The following NEBL variants were observed in gnomAD, a reference collection of about 807,000 sequenced individuals.
NEBL encodes nebulette.
In NEBL, 122 loss-of-function variants were observed where a neutral mutation model predicts 140.2. That is an observed-to-expected ratio of 0.87 (90% CI 0.75 to 1.01). The LOEUF (loss-of-function observed/expected upper bound fraction) is 1.01. NEBL is among the 50% of genes least tolerant of loss of function. NEBL has a pLI of 0.00. For missense variants in NEBL, 1,365 were observed against 1,231.3 expected (o/e 1.11, Z -1.62); for synonymous variants, 436 against 398.9 (o/e 1.09, Z -1.11).
At chr10:21,278,030 A>C (rs2132295249) in intron 1 of NEBL, among the ~76,000 whole-genome samples, 1 of 152,306 alleles carries the variant, frequency 6.6e-6, no homozygotes, top group Middle Eastern at 3.4e-3. Context: ...GTGCTCAGTA[A>C]ATTTTAGCTG....
intron 3 of NEBL, among the ~76,000 whole-genome samples, chr10:21,228,883 C>A (rs1842207587): frequency 1.3e-5 from 2 of 152,060 alleles, no homozygotes; most frequent in South Asian, 4.1e-4. Context: ...TTGGATGGGA[C>A]CCAAGAGTTA....
At position 20,897,251 on chromosome 10, in the gene NEBL, C is replaced by T. The variant is rs557285588; in HGVS notation, c.-46G>A. The stretch of plus-strand genomic sequence containing the variant: ...ATATTTTTAAAATTTACTCATGTGG[C>T]GTCCTTTTCCATACCACAGTGCCCT... On this transcript the variant is annotated 5_prime_UTR_variant, in exon 1 of 28. Coordinates refer to ENST00000377122, the MANE Select transcript of NEBL (RefSeq NM_006393.3). The T allele has an allele frequency of 1.9e-5, 29 of 1,532,772 alleles. No individual in the cohort carries two copies. Among genetic ancestry groups the T allele is most frequent in the South Asian group, 8.7e-5 (7 of 80,912 alleles). The allele number at this position is 1,532,772 out of a possible 1,614,324, so 94.9% of individuals were successfully genotyped here. A position where few individuals can be genotyped will look rare whatever the true frequency, so the allele number is the denominator to read the frequency against.
In NEBL at chr10:21,070,629, TA is replaced by T. The variant is rs113644293; in HGVS notation, c.165-50429del. 1.9e-4 allele frequency among the ~76,000 whole-genome samples: 29 copies of T among 151,448 alleles called. 1 individual carries two copies. Among genetic ancestry groups the T allele is most frequent in the African/African-American group, 4.1e-4 (17 of 41,270 alleles). The stretch of plus-strand genomic sequence containing the variant: ...CACATCCCTGAAACCAAGACACACT[TA>T]AAAAAAAATTACTCTGAACATTAAA... On this transcript the variant is annotated intron_variant, in intron 2 of 6. Coordinates refer to the NEBL transcript ENST00000417816.
At chr10:21,169,070 ATATATATATATAT>A (rs1564534609) in intron 2 of NEBL, among the ~76,000 whole-genome samples, 1,050 of 44,200 alleles carry the variant, frequency 0.024, 84 homozygotes, top group African/African-American at 0.032. Context: ...AAAAAAAAAT[ATATATATATATAT>A]ATATATATAT....
At chr10:21,182,096 A>T (rs77188671) in intron 3 of NEBL, among the ~76,000 whole-genome samples, 3,196 of 152,252 alleles carry the variant, frequency 0.021, 113 homozygotes, top group African/African-American at 0.07. Flanking sequence ...GACTCATTTT[A>T]AAAAATCTGG....
chr10:21,202,549 C>T (rs1465798145), intron 3 of NEBL, among the ~76,000 whole-genome samples: 7 of 149,408 alleles, frequency 4.7e-5, no homozygotes, highest in African/African-American at 1.0e-4. Context: ...CTGCAAGCTC[C>T]GCCCCGCTGT....
chr10:20,836,910 T>C (rs1474103929), intron 13 of NEBL, among the ~76,000 whole-genome samples: 1 of 152,140 alleles, frequency 6.6e-6, no homozygotes, highest in East Asian at 1.9e-4. Context: ...TGTTGGGAGA[T>C]GCCACCAAAT....
intron 2 of NEBL, among the ~76,000 whole-genome samples, chr10:21,249,051 C>T (rs539743961): frequency 6.6e-6 from 1 of 152,026 alleles, no homozygotes; most frequent in African/African-American, 2.4e-5. Flanking sequence ...CTTTGAGAGA[C>T]AGGGTCTCAC....
chr10:20,828,613 C>T lies in NEBL; in HGVS notation c.1693G>A (p.Glu565Lys). ...GTAGAATAGTTAGAAAGCATCTTCT[C>T]TGCTTCATCTTTATACTTTCTCTAA... ...YSQRKYKDEA[E>K]KMLSNYSTIA... Residue 565 changes from glutamate to lysine, a missense_variant, in exon 17 of 28, where the codon GAG becomes AAG. Physicochemically the swap from Glu to Lys is moderately conservative, Grantham distance 56 (BLOSUM62 1). Coordinates refer to ENST00000377122, the MANE Select transcript of NEBL (RefSeq NM_006393.3). 2 of 1,580,026 alleles carry T rather than the reference C, an allele frequency of 1.3e-6. No individual in the cohort carries two copies. Among genetic ancestry groups the T allele is most frequent in the Non-Finnish European group, 1.7e-6 (2 of 1,149,606 alleles).
chr10:21,040,051 C>T (rs1390220734), intron 2 of NEBL, among the ~76,000 whole-genome samples: 1 of 152,148 alleles, frequency 6.6e-6, no homozygotes, highest in Non-Finnish European at 1.5e-5. Context: ...TATAAGAATA[C>T]CTGAGCCTGG....
chr10:20,815,619 A>G lies in NEBL; in HGVS notation c.2241+6T>C, dbSNP rs757456889. The G allele has an allele frequency of 4.4e-6, 7 of 1,592,482 alleles. No homozygotes were observed. The Admixed American group carries it at 8.3e-5, about 19-fold the overall frequency. ...GTGATAGTCTAAAATGAAGAAAACC[A>G]CTTGCCGAGCTAATATTTTCTTGAT... On this transcript the variant is annotated splice_donor_region_variant and intron_variant, in intron 22 of 27. Transcript: ENST00000377122.
At chr10:21,289,610 T>A (rs1843115170) in intron 1 of NEBL, among the ~76,000 whole-genome samples, 1 of 152,158 alleles carries the variant, frequency 6.6e-6, no homozygotes, top group African/African-American at 2.4e-5. Flanking sequence ...TGTCAGGACT[T>A]CTCCAGAGCA....
intron 26 of NEBL, 65 bp from the exon 27 acceptor site, chr10:20,787,373 A>C: frequency 7.8e-7 from 1 of 1,282,890 alleles, no homozygotes; most frequent in East Asian, 2.4e-5. Flanking sequence ...CCCATCCCAA[A>C]CCCTCAGAGT....
intron 2 of NEBL, among the ~76,000 whole-genome samples, chr10:21,095,086 T>C (rs796519157): frequency 1.2e-4 from 18 of 152,324 alleles, no homozygotes; most frequent in Admixed American, 9.8e-4. Flanking sequence ...ATAGAAAGGT[T>C]TGTTTCCAAT....
chr10:21,247,372 A>T (rs149501686), intron 3 of NEBL, among the ~76,000 whole-genome samples: 24 of 152,324 alleles, frequency 1.6e-4, no homozygotes, highest in African/African-American at 5.8e-4. Context: ...TTACTGTATG[A>T]TTATTTTCAC....
At chr10:21,021,892 A>C (rs984270448) in intron 2 of NEBL, among the ~76,000 whole-genome samples, 2 of 152,162 alleles carry the variant, frequency 1.3e-5, no homozygotes, top group Admixed American at 1.3e-4. Context: ...GAAGAAACGA[A>C]GGGATGGAGG....
intron 4 of NEBL, among the ~76,000 whole-genome samples, chr10:20,938,538 T>A (rs534499452): frequency 4.6e-5 from 7 of 152,270 alleles, no homozygotes; most frequent in Admixed American, 3.9e-4. Flanking sequence ...GCGCCTCTTC[T>A]CCTTAAAAGG....
chr10:20,932,217 C>G (rs1009515984), intron 4 of NEBL, among the ~76,000 whole-genome samples: 1 of 152,198 alleles, frequency 6.6e-6, no homozygotes, highest in Non-Finnish European at 1.5e-5. Flanking sequence ...CCTTCGTATA[C>G]ACCATGGAAT....
At chr10:21,002,838 A>G (rs1355847622) in intron 3 of NEBL, among the ~76,000 whole-genome samples, 2 of 152,118 alleles carry the variant, frequency 1.3e-5, no homozygotes, top group African/African-American at 4.8e-5. Flanking sequence ...ACTGGAGATT[A>G]CAATTCCACA....
Sources: allele counts gnomAD v4.1 joint callset (sites outside exome capture counted in the v4.1 genomes callset), GRCh38; gene constraint gnomAD v4.1.1; transcripts MANE v1.5; gene names NCBI Gene and HGNC (gene_info 2026-07-23, HGNC 2026-07-21).